RBBP8: variants seen among roughly 807,000 people sequenced by gnomAD.
The protein encoded by RBBP8 is DNA endonuclease RBBP8.
A neutral mutation model predicts 108.3 loss-of-function variants in RBBP8; 88 were observed. The observed-to-expected ratio is 0.81, with a 90% confidence interval of 0.68 to 0.97. RBBP8 has a LOEUF of 0.97. Among genes scored for constraint, RBBP8 ranks in the 50% least tolerant of loss-of-function variants. The probability of loss-of-function intolerance (pLI) is 0.00; values close to 1 mark genes in which losing one functional copy is unlikely to be tolerated. For synonymous variants in RBBP8, 332 were observed against 348.2 expected (o/e 0.95, Z 0.52); for missense variants, 1,023 against 1,049.0 (o/e 0.98, Z 0.34).
chr18:22,973,715 G>A (rs1038040899), intron 5 of RBBP8, among the ~76,000 whole-genome samples: 18 of 152,160 alleles, frequency 1.2e-4, no homozygotes, highest in Admixed American at 4.6e-4. Flanking sequence ...ACTTTCTACC[G>A]TTTATTATAC....
intron 15 of RBBP8, chr18:23,005,004 T>TA (rs1397956231): frequency 3.4e-4 from 52 of 152,044 alleles, no homozygotes; most frequent in Admixed American, 3.4e-3. Flanking sequence ...CTACTAAAGA[T>TA]ACAAAACATT....
chr18:22,923,882 T>C, intron 3 of RBBP8, among the ~76,000 whole-genome samples: 1 of 152,276 alleles, frequency 6.6e-6, no homozygotes, highest in African/African-American at 2.4e-5. Context: ...AGTAAATTTA[T>C]ATTCATTTCT....
At chr18:22,916,641 T>C (rs1567935128) in intron 2 of RBBP8, among the ~76,000 whole-genome samples, 1 of 152,104 alleles carries the variant, frequency 6.6e-6, no homozygotes, top group Non-Finnish European at 1.5e-5. Context: ...CCAAACATTT[T>C]TGGGACAATG....
chr18:22,984,622 A>C (rs1915188801), intron 7 of RBBP8, among the ~76,000 whole-genome samples: 2 of 152,122 alleles, frequency 1.3e-5, no homozygotes, highest in African/African-American at 4.8e-5. Flanking sequence ...AAATGTTACT[A>C]CTCTAGGCAA....
At chr18:22,926,946 C>T (rs1266822831) in intron 3 of RBBP8, among the ~76,000 whole-genome samples, 1 of 152,162 alleles carries the variant, frequency 6.6e-6, no homozygotes, top group African/African-American at 2.4e-5. Flanking sequence ...TTGGCACCAT[C>T]AACTCAAATC....
rs1330996412 is a variant in RBBP8, at chr18:22,996,076, G to A, written c.1940-298G>A. 2.0e-5 allele frequency among the ~76,000 whole-genome samples: 3 copies of A among 152,126 alleles called. 1 individual carries two copies. The highest frequency in any genetic ancestry group is 4.1e-4 in the South Asian group (2 of 4,836). ...ATAGCTTTTTGATTTTTGCCATCTCGTGGTTTTGGTTTGCATTTCCTTGAC... is the reference window on the plus strand; with the variant it reads ...ATAGCTTTTTGATTTTTGCCATCTCATGGTTTTGGTTTGCATTTCCTTGAC... On this transcript the variant is annotated intron_variant, in intron 12 of 18. Coordinates refer to ENST00000327155, the MANE Select transcript of RBBP8 (RefSeq NM_002894.3).
chr18:22,936,669 G>A, intron 1 of RBBP8, 85 bp from the exon 2 acceptor site: 1 of 634,784 alleles, frequency 1.6e-6, no homozygotes, highest in Non-Finnish European at 2.7e-6. Flanking sequence ...GGTAAATGAG[G>A]ATATCTGGGC....
At chr18:22,946,063 T>C (rs1472657907) in intron 2 of RBBP8, among the ~76,000 whole-genome samples, 1 of 152,244 alleles carries the variant, frequency 6.6e-6, no homozygotes, top group Admixed American at 6.5e-5. Flanking sequence ...AGTCCAGGAC[T>C]TCCTACCACA....
chr18:22,993,225 TAAAGAA>T lies in RBBP8; in HGVS notation c.1401_1406del (p.Lys467_Glu468del), dbSNP rs1915822517. 6.2e-7 allele frequency: 1 copy of T among 1,614,086 alleles called. No individual in the cohort carries two copies. Among genetic ancestry groups the T allele is most frequent in the African/African-American group, 1.3e-5 (1 of 74,930 alleles). On this transcript the variant is annotated inframe_deletion, in exon 11 of 19. Coordinates refer to ENST00000327155, the MANE Select transcript of RBBP8 (RefSeq NM_002894.3). ...TAAGCTGCCCCCAAGCTTCTTTTGA[TAAAGAA>T]AATGCTTTCCCTTTTCCAATGGATA... is the stretch of plus-strand genomic sequence containing the variant.
chr18:22,970,989 T>C (rs1914031708), intron 5 of RBBP8, among the ~76,000 whole-genome samples: 1 of 152,174 alleles, frequency 6.6e-6, no homozygotes, highest in Non-Finnish European at 1.5e-5. Context: ...GAATGTGAAG[T>C]AGAAATTTAC....
chr18:22,917,205 G>A (rs1056404749), intron 3 of RBBP8, among the ~76,000 whole-genome samples: 1 of 152,094 alleles, frequency 6.6e-6, no homozygotes, highest in African/African-American at 2.4e-5. Flanking sequence ...ATCCTACCTG[G>A]AAAATGCTTC....
At chr18:22,967,250 C>T (rs1475600010) in intron 4 of RBBP8, among the ~76,000 whole-genome samples, 1 of 151,498 alleles carries the variant, frequency 6.6e-6, no homozygotes, top group African/African-American at 2.4e-5. Flanking sequence ...CCGGTAGTCC[C>T]AGCTACTCGG....
intron 4 of RBBP8, among the ~76,000 whole-genome samples, chr18:22,963,372 CTG>C (rs1913282397): frequency 6.6e-6 from 1 of 152,090 alleles, no homozygotes; most frequent in African/African-American, 2.4e-5. Flanking sequence ...ATATTGTAAA[CTG>C]TAATTTTTCT....
At chr18:22,994,409 GACGC>G (rs200361002) in intron 12 of RBBP8, among the ~76,000 whole-genome samples, 147,997 of 148,330 alleles carry the variant, frequency 1, 73,832 homozygotes, top group Middle Eastern at 1. Context: ...TTGGGAGGCC[GACGC>G]TGGTGGATCA....
chr18:22,993,069 A>T lies in RBBP8; in HGVS notation c.1242A>T (p.Glu414Asp), dbSNP rs199637354. 241 of 1,613,010 alleles carry T rather than the reference A, an allele frequency of 1.5e-4. 3 individuals are homozygous for T. The East Asian group carries it at 2.9e-3, about 20-fold the overall frequency. The stretch of plus-strand genomic sequence containing the variant: ...TACTTATAAATAAAAATATAAGTGA[A>T]TCCCTAGGTGAACAGAATAGGACTG... Reference protein sequence around the residue: ...KQILINKNISESLGEQNRTEY... With the variant: ...KQILINKNISDSLGEQNRTEY... Residue 414 changes from glutamate to aspartate, a missense_variant, in exon 11 of 19, where the codon GAA becomes GAT. By Grantham distance (45) the Glu-to-Asp change is conservative (BLOSUM62 2). Transcript: ENST00000327155.
intron 17 of RBBP8, among the ~76,000 whole-genome samples, chr18:23,019,045 A>C (rs2046307005): frequency 6.6e-6 from 1 of 152,230 alleles, no homozygotes. Context: ...AACAATGGGA[A>C]TATAAATTGG....
chr18:23,011,474 G>C (rs2046159562), intron 16 of RBBP8, among the ~76,000 whole-genome samples: 1 of 135,138 alleles, frequency 7.4e-6, no homozygotes. Flanking sequence ...GTCTCGCTCT[G>C]TCGCCAGGCT....
rs535687100 is a variant in RBBP8 at position 22,985,701 on chromosome 18, G to C, written c.709+711G>C. Among the ~76,000 whole-genome samples, 3 of 152,198 alleles carry C rather than the reference G, an allele frequency of 2.0e-5. No homozygotes were observed. The South Asian group carries it at 6.2e-4, about 32-fold the overall frequency. On this transcript the variant is annotated intron_variant, in intron 8 of 18. Transcript: ENST00000327155. ...TGGTTAAAATTAGAAGTTTGGTTTC[G>C]GTAATATTCTGTTTGAAATGCAAAC... is the stretch of plus-strand genomic sequence containing the variant.
chr18:22,918,725 T>G (rs1909465667), intron 3 of RBBP8, among the ~76,000 whole-genome samples: 1 of 152,182 alleles, frequency 6.6e-6, no homozygotes, highest in African/African-American at 2.4e-5. Context: ...CACCCAGGTT[T>G]AGCCTCCCAT....
Sources: gnomAD v4.1 joint callset for allele counts (sites outside exome capture counted in the v4.1 genomes callset) on GRCh38, gnomAD v4.1.1 for gene constraint, MANE v1.5 for transcripts, NCBI Gene and HGNC (gene_info 2026-07-23, HGNC 2026-07-21) for gene names.